Variants in CACNA2D3 observed in about 807,000 individuals in gnomAD.
CACNA2D3 encodes the protein calcium voltage-gated channel auxiliary subunit alpha2delta 3.
CACNA2D3 carries 60 observed loss-of-function variants against 160.6 expected under a neutral mutation model. The observed-to-expected ratio is 0.37, with a 90% confidence interval of 0.30 to 0.46. The LOEUF is 0.46. CACNA2D3 is among the 20% of genes least tolerant of loss of function. The probability of loss-of-function intolerance (pLI) is 1.00; values close to 1 mark genes in which losing one functional copy is unlikely to be tolerated. For synonymous variants in CACNA2D3, 558 were observed against 492.9 expected (o/e 1.13, Z -1.75); for missense variants, 1,205 against 1,365.0 (o/e 0.88, Z 1.85).
At chr3:54,800,418 A>T (rs80284952) in intron 13 of CACNA2D3, among the ~76,000 whole-genome samples, 1,801 of 152,348 alleles carry the variant, frequency 0.012, 35 homozygotes, top group African/African-American at 0.04. Flanking sequence ...CCAAAACTCC[A>T]ATTCAGATCA....
intron 2 of CACNA2D3, among the ~76,000 whole-genome samples, chr3:54,202,100 T>A (rs1331591886): frequency 6.6e-6 from 1 of 152,206 alleles, no homozygotes; most frequent in Non-Finnish European, 1.5e-5. Flanking sequence ...TATATGAAAT[T>A]CACATGTAAT....
At chr3:54,955,479 T>C (rs1045502467) in intron 27 of CACNA2D3, among the ~76,000 whole-genome samples, 1 of 151,928 alleles carries the variant, frequency 6.6e-6, no homozygotes, top group South Asian at 2.1e-4. Context: ...AAAAAAAAGC[T>C]CTCTTGGTCA....
chr3:54,885,306 T>C lies in CACNA2D3; in HGVS notation c.1938T>C (p.Asp646=), dbSNP rs1265967913. 1.2e-6 allele frequency: 2 copies of C among 1,613,932 alleles called. No homozygotes were observed. The highest frequency in any genetic ancestry group is 1.1e-5 in the South Asian group (1 of 91,084). Residue 646 remains aspartate (D), a synonymous_variant, in exon 22 of 38, where the codon GAT becomes GAC. Transcript: ENST00000474759. ...GCCTGCATGACTTAGAACATCCCGA[T>C]GTGTCCTTGGCAGATGAATGGTAAG... ...EEGLHDLEHP[D]VSLADEWSYC...
intron 13 of CACNA2D3, among the ~76,000 whole-genome samples, chr3:54,779,785 T>A (rs1702497454): frequency 6.6e-6 from 1 of 152,222 alleles, no homozygotes; most frequent in East Asian, 1.9e-4. Context: ...CCATCTCAGG[T>A]CCCCTATAGG....
chr3:54,162,171 A>G (rs2107298429), intron 2 of CACNA2D3, among the ~76,000 whole-genome samples: 1 of 152,312 alleles, frequency 6.6e-6, no homozygotes, highest in South Asian at 2.1e-4. Flanking sequence ...TGCTGGGGAT[A>G]GAGATGTTTC....
intron 27 of CACNA2D3, among the ~76,000 whole-genome samples, chr3:54,909,643 ATTTT>A (rs759615370): frequency 1.3e-4 from 16 of 123,818 alleles, no homozygotes; most frequent in African/African-American, 3.6e-4. Context: ...TTTTTTTGTG[ATTTT>A]TTTTTTTTTT....
chr3:54,626,359 C>T (rs1699102006), intron 9 of CACNA2D3: 2 of 1,558,576 alleles, frequency 1.3e-6, no homozygotes, highest in Non-Finnish European at 1.7e-6. Flanking sequence ...CCGGGGCCTG[C>T]GGCGGAAGCA....
chr3:54,292,284 A>G (rs1203303476), intron 2 of CACNA2D3, among the ~76,000 whole-genome samples: 2 of 152,208 alleles, frequency 1.3e-5, no homozygotes, highest in Admixed American at 6.5e-5. Flanking sequence ...GAATTCTTAG[A>G]TAATGACAGC....
chr3:54,549,153 A>C (rs1702112630), intron 5 of CACNA2D3, among the ~76,000 whole-genome samples: 1 of 152,174 alleles, frequency 6.6e-6, no homozygotes, highest in South Asian at 2.1e-4. Flanking sequence ...TTGCTGTTAA[A>C]AACAAACAAC....
At chr3:54,888,336 C>T (rs1382489073) in intron 24 of CACNA2D3, among the ~76,000 whole-genome samples, 2 of 152,122 alleles carry the variant, frequency 1.3e-5, no homozygotes, top group East Asian at 1.9e-4. Flanking sequence ...AAGGGAACTT[C>T]GTTGCCTGCC....
chr3:54,270,826 C>T (rs1416852730), intron 2 of CACNA2D3, among the ~76,000 whole-genome samples: 1 of 152,172 alleles, frequency 6.6e-6, no homozygotes, highest in African/African-American at 2.4e-5. Context: ...CTTCAGGCTG[C>T]CCTCATTCCT....
In CACNA2D3 at chr3:54,801,794, C is replaced by G. The variant is rs144496382; in HGVS notation, c.1381-15059C>G. On this transcript the variant is annotated intron_variant, in intron 13 of 37. Coordinates refer to ENST00000474759, the MANE Select transcript of CACNA2D3 (RefSeq NM_018398.3). ...CATCTTTTCCTTGCTTTTAAACATA[C>G]CATTGGAAGAAAAAAAAAATTGAAG... 3.9e-3 allele frequency among the ~76,000 whole-genome samples: 594 copies of G among 151,744 alleles called. 5 individuals are homozygous for G. The highest frequency in any genetic ancestry group is 0.014 in the Middle Eastern group (4 of 294).
At position 54,252,402 on chromosome 3, in the gene CACNA2D3, C is replaced by A. The variant is rs182962680; in HGVS notation, c.205-68040C>A. Among the ~76,000 whole-genome samples the A allele has an allele frequency of 7.9e-5, 12 of 152,220 alleles. No individual in the cohort carries two copies. The East Asian group carries it at 2.1e-3, about 27-fold the overall frequency. ...ATCAGTTGTGTCTCATTTCTGTGGC[C>A]AAGGAAAATAGGCTGGTGTCTTAGC... On this transcript the variant is annotated intron_variant, in intron 2 of 37. Transcript: ENST00000474759.
chr3:55,013,947 GTGCT>G (rs1439115497), intron 34 of CACNA2D3, among the ~76,000 whole-genome samples: 1 of 152,148 alleles, frequency 6.6e-6, no homozygotes, highest in Non-Finnish European at 1.5e-5. Flanking sequence ...GCTCCCTTGG[GTGCT>G]TCATTGTGAG....
At chr3:54,315,640 T>C (rs1485633457) in intron 2 of CACNA2D3, among the ~76,000 whole-genome samples, 1 of 152,216 alleles carries the variant, frequency 6.6e-6, no homozygotes, top group East Asian at 1.9e-4. Context: ...TCAATGCTGG[T>C]TGACCTTCTG....
intron 8 of CACNA2D3, among the ~76,000 whole-genome samples, chr3:54,576,520 G>A (rs1702584689): frequency 6.6e-6 from 1 of 152,188 alleles, no homozygotes; most frequent in African/African-American, 2.4e-5. Context: ...AATGCTCACA[G>A]ACATTGGGCA....
chr3:54,835,785 C>T (rs1391112136), intron 14 of CACNA2D3, among the ~76,000 whole-genome samples: 2 of 152,186 alleles, frequency 1.3e-5, no homozygotes, highest in African/African-American at 4.8e-5. Context: ...TGCCTGTCAG[C>T]AGTGCCTCCA....
chr3:55,018,048 A>C (rs550332837), intron 34 of CACNA2D3, among the ~76,000 whole-genome samples, 158 bp from the exon 35 acceptor site: 1 of 152,204 alleles, frequency 6.6e-6, no homozygotes, highest in African/African-American at 2.4e-5. Context: ...GGCAGATGAA[A>C]TCACTTGACT....
At chr3:54,834,385 C>T (rs1698620666) in intron 14 of CACNA2D3, among the ~76,000 whole-genome samples, 1 of 152,186 alleles carries the variant, frequency 6.6e-6, no homozygotes, top group Non-Finnish European at 1.5e-5. Context: ...TATGGGAAGA[C>T]TTCTAATTCT....
Sources: gnomAD v4.1 joint callset for allele counts (sites outside exome capture counted in the v4.1 genomes callset) on GRCh38, gnomAD v4.1.1 for gene constraint, MANE v1.5 for transcripts, NCBI Gene and HGNC (gene_info 2026-07-23, HGNC 2026-07-21) for gene names.